Variants in PTPRT observed in about 807,000 individuals in gnomAD.
PTPRT encodes protein tyrosine phosphatase receptor type T, also known as receptor-type tyrosine-protein phosphatase T.
In PTPRT, 56 loss-of-function variants were observed where a neutral mutation model predicts 176.8. That is an observed-to-expected ratio of 0.32 (90% confidence interval 0.26 to 0.40). The LOEUF (loss-of-function observed/expected upper bound fraction) is 0.40. Ranked by LOEUF, PTPRT falls within the 10% of genes least tolerant of loss-of-function variation. The pLI, the probability that PTPRT is intolerant of heterozygous loss-of-function variation, is 1.00. For missense variants in PTPRT, 1,540 were observed against 1,908.2 expected, an observed-to-expected ratio of 0.81 and a Z score of 3.60; for synonymous variants, 783 against 739.0, an observed-to-expected ratio of 1.06 and a Z score of -0.96.
chr20:42,908,349 T>C (rs1025112992), intron 1 of PTPRT, among the ~76,000 whole-genome samples: 2 of 151,922 alleles, frequency 1.3e-5, no homozygotes, highest in African/African-American at 4.8e-5. Flanking sequence ...TTAAGGAAAA[T>C]AGTACAAACT....
intron 6 of PTPRT, among the ~76,000 whole-genome samples, chr20:42,753,576 C>T (rs2076792381): frequency 6.6e-6 from 1 of 152,234 alleles, no homozygotes; most frequent in African/African-American, 2.4e-5. Context: ...CACCACCCCA[C>T]CCTCCCTAAG....
chr20:42,219,666 A>G (rs1223154057), intron 15 of PTPRT, among the ~76,000 whole-genome samples: 1 of 150,966 alleles, frequency 6.6e-6, no homozygotes, highest in Non-Finnish European at 1.5e-5. Context: ...CAATGTTATC[A>G]TGTATTATCT....
At chr20:43,057,168 G>T (rs1234248366) in intron 1 of PTPRT, among the ~76,000 whole-genome samples, 2 of 148,174 alleles carry the variant, frequency 1.3e-5, no homozygotes, top group Non-Finnish European at 3.0e-5. Flanking sequence ...GAGTTTCTTT[G>T]TGGTCATGGG....
intron 2 of PTPRT, among the ~76,000 whole-genome samples, chr20:42,799,459 A>G (rs1411211808): frequency 6.6e-6 from 1 of 152,184 alleles, no homozygotes. Flanking sequence ...GTTGCAGGGC[A>G]TACTGGGACC....
chr20:42,578,864 C>T (rs2073313184), intron 7 of PTPRT, among the ~76,000 whole-genome samples: 1 of 150,286 alleles, frequency 6.7e-6, no homozygotes, highest in African/African-American at 2.5e-5. Flanking sequence ...AGCCTAAGCC[C>T]TTACAATGGC....
chr20:42,280,334 T>C (rs924746921), intron 13 of PTPRT, among the ~76,000 whole-genome samples: 1 of 152,172 alleles, frequency 6.6e-6, no homozygotes, highest in Non-Finnish European at 1.5e-5. Context: ...TCTTATCTGA[T>C]GTGGTGAGAG....
chr20:42,488,097 T>C (rs1362744739), intron 7 of PTPRT, among the ~76,000 whole-genome samples: 2 of 152,172 alleles, frequency 1.3e-5, no homozygotes, highest in African/African-American at 2.4e-5. Flanking sequence ...TTTTCAACCA[T>C]TGCATGGGGT....
chr20:42,323,692 C>A (rs2145410205), intron 11 of PTPRT, among the ~76,000 whole-genome samples: 1 of 152,018 alleles, frequency 6.6e-6, no homozygotes, highest in South Asian at 2.1e-4. Flanking sequence ...AGCACACCAG[C>A]ATGGCACATG....
intron 7 of PTPRT, among the ~76,000 whole-genome samples, chr20:42,518,339 T>C (rs1266383051): frequency 6.6e-6 from 1 of 152,008 alleles, no homozygotes; most frequent in Non-Finnish European, 1.5e-5. Flanking sequence ...GAGACAACTT[T>C]GGTCTCTTCT....
the PTPRT span, among the ~76,000 whole-genome samples, chr20:42,044,331 A>C: frequency 6.6e-6 from 1 of 152,216 alleles, no homozygotes; most frequent in African/African-American, 2.4e-5. Context: ...ACTTGTTCAG[A>C]TGTCCCAAAT....
chr20:42,934,113 G>A (rs1481090479), intron 1 of PTPRT, among the ~76,000 whole-genome samples: 2 of 152,188 alleles, frequency 1.3e-5, no homozygotes, highest in Admixed American at 6.5e-5. Context: ...TTTGCCTTGG[G>A]CAGTGTCAAA....
intron 16 of PTPRT, among the ~76,000 whole-genome samples, chr20:42,183,868 T>C (rs933664228): frequency 2.0e-5 from 3 of 152,174 alleles, no homozygotes; most frequent in African/African-American, 7.2e-5. Context: ...CCTGGCTTTC[T>C]CAAACACTTG....
chr20:42,150,795 C>A (rs1482448585), intron 17 of PTPRT, among the ~76,000 whole-genome samples: 1 of 147,512 alleles, frequency 6.8e-6, no homozygotes. Context: ...CGCAAGGTAA[C>A]TTTTTGGTTG....
chr20:42,497,793 T>C (rs1241685224), intron 7 of PTPRT, among the ~76,000 whole-genome samples: 3 of 152,318 alleles, frequency 2.0e-5, no homozygotes, highest in Admixed American at 6.5e-5. Context: ...ATTCTCAATA[T>C]GATATAAAAA....
At chr20:43,098,220 T>TAA (rs142045907) in intron 1 of PTPRT, among the ~76,000 whole-genome samples, 8,176 of 152,254 alleles carry the variant, frequency 0.054, 765 homozygotes, top group African/African-American at 0.19. Flanking sequence ...AATTTGCAGC[T>TAA]AAGACTCTTT....
At chr20:42,502,894 G>A (rs2071776751) in intron 7 of PTPRT, among the ~76,000 whole-genome samples, 1 of 151,966 alleles carries the variant, frequency 6.6e-6, no homozygotes, top group Non-Finnish European at 1.5e-5. Context: ...TTATCCAAGT[G>A]GTTGTAGCAA....
At chr20:42,457,189 A>T (rs1456776966) in intron 8 of PTPRT, among the ~76,000 whole-genome samples, 1 of 152,142 alleles carries the variant, frequency 6.6e-6, no homozygotes, top group Non-Finnish European at 1.5e-5. Context: ...GCTTTTCCTT[A>T]TACTTTTCAC....
In PTPRT at chr20:42,665,781, C is replaced by A. The variant is rs377383463; in HGVS notation, c.1153+12085G>T. 1.8e-3 allele frequency among the ~76,000 whole-genome samples: 269 copies of A among 152,172 alleles called. 1 individual carries two copies. In the South Asian group the frequency reaches 0.019, roughly 10 times the overall value. The stretch of plus-strand genomic sequence containing the variant: ...TGCAGCCATAAAAAATGATGAGTTC[C>A]TGTCCTTTGTAGGGACATGGATGAA... On this transcript the variant is annotated intron_variant, in intron 7 of 30. Transcript: ENST00000373187.
At chr20:42,099,454 C>T (rs898657132) in intron 26 of PTPRT, among the ~76,000 whole-genome samples, 3 of 149,478 alleles carry the variant, frequency 2.0e-5, no homozygotes, top group African/African-American at 4.9e-5. Context: ...GTCGCTGGCA[C>T]ATGCTAGACA....
Sources: allele counts gnomAD v4.1 joint callset (sites outside exome capture counted in the v4.1 genomes callset), GRCh38; gene constraint gnomAD v4.1.1; transcripts MANE v1.5; gene names NCBI Gene and HGNC (gene_info 2026-07-23, HGNC 2026-07-21).